Variants in ARHGAP21 observed in about 807,000 individuals in gnomAD.
ARHGAP21 encodes Rho GTPase activating protein 21, also known as rho GTPase-activating protein 21.
Under a neutral mutation model 164.6 loss-of-function variants are expected in ARHGAP21, and 38 were observed. That is an observed-to-expected ratio of 0.23 (90% CI 0.18 to 0.30). The LOEUF (loss-of-function observed/expected upper bound fraction) is 0.30, where lower values mean the gene tolerates loss of function less well. Ranked by LOEUF, ARHGAP21 falls within the 10% of genes least tolerant of loss-of-function variation. The pLI is 1.00. For synonymous variants in ARHGAP21, 766 were observed against 857.9 expected, an observed-to-expected ratio of 0.89 and a Z score of 1.87; for missense variants, 1,822 against 2,370.7, an observed-to-expected ratio of 0.77 and a Z score of 4.81.
rs1418987833 is a variant in ARHGAP21 at position 24,584,337 on chromosome 10, C to A, written c.*75G>T. 2.7e-6 allele frequency: 4 copies of A among 1,481,030 alleles called. No homozygotes were observed. The highest frequency in any genetic ancestry group is 1.4e-5 in the South Asian group (1 of 73,124). The allele number at this position is 1,481,030 out of a possible 1,614,324, so 91.7% of individuals were successfully genotyped here. On this transcript the variant is annotated 3_prime_UTR_variant, in exon 26 of 26. Coordinates refer to ENST00000396432, the MANE Select transcript of ARHGAP21 (RefSeq NM_020824.4). ...AGGCTGCATAATAACAATTCTGATA[C>A]AAGAAAATATTGACAGAGTTACTGG...
At chr10:24,707,073 A>T (rs985074209) in intron 2 of ARHGAP21, among the ~76,000 whole-genome samples, 4 of 152,208 alleles carry the variant, frequency 2.6e-5, no homozygotes, top group Non-Finnish European at 5.9e-5. Context: ...GTAGCGCCAC[A>T]CAGAGCTAAC....
chr10:24,696,373 G>C (rs970809913), intron 2 of ARHGAP21, among the ~76,000 whole-genome samples: 1 of 152,166 alleles, frequency 6.6e-6, no homozygotes, highest in Non-Finnish European at 1.5e-5. Context: ...TGAGGGAAAA[G>C]AATCTCCTGA....
intron 21 of ARHGAP21, among the ~76,000 whole-genome samples, chr10:24,592,920 G>A (rs2130792158): frequency 1.3e-5 from 2 of 152,226 alleles, no homozygotes; most frequent in East Asian, 3.9e-4. Flanking sequence ...CCAATCTTCT[G>A]AAGCTACATT....
At chr10:24,610,000 A>G (rs2077184648) in intron 9 of ARHGAP21, among the ~76,000 whole-genome samples, 1 of 152,252 alleles carries the variant, frequency 6.6e-6, no homozygotes, top group Admixed American at 6.5e-5. Context: ...CATTCAAAAC[A>G]TACTTATGAA....
chr10:24,594,370 G>A (rs1158897682), intron 21 of ARHGAP21, among the ~76,000 whole-genome samples: 1 of 152,138 alleles, frequency 6.6e-6, no homozygotes, highest in African/African-American at 2.4e-5. Context: ...ATGGGGCTGC[G>A]CATGGTGGCT....
intron 7 of ARHGAP21, among the ~76,000 whole-genome samples, chr10:24,627,151 A>C (rs1293543948): frequency 6.6e-6 from 1 of 152,100 alleles, no homozygotes; most frequent in Non-Finnish European, 1.5e-5. Flanking sequence ...AAGAAAAAAA[A>C]CCTCCATGCA....
At chr10:24,614,598 C>T (rs2077396775) in intron 9 of ARHGAP21, among the ~76,000 whole-genome samples, 1 of 151,890 alleles carries the variant, frequency 6.6e-6, no homozygotes, top group Admixed American at 6.6e-5. Context: ...GCTTGGCCAA[C>T]ATGGTGAAAC....
chr10:24,711,455 C>T (rs1327676891), intron 2 of ARHGAP21, among the ~76,000 whole-genome samples: 1 of 152,104 alleles, frequency 6.6e-6, no homozygotes, highest in Non-Finnish European at 1.5e-5. Flanking sequence ...ATCTTCAGTC[C>T]CCACGTCAGA....
intron 2 of ARHGAP21, among the ~76,000 whole-genome samples, chr10:24,692,549 A>G (rs1842837055): frequency 6.6e-6 from 1 of 152,214 alleles, no homozygotes; most frequent in African/African-American, 2.4e-5. Flanking sequence ...TAGAATGGAT[A>G]GACCAGACTC....
chr10:24,689,800 GTATATGTATGTGTATATATATGTA>G (rs1555010305), intron 2 of ARHGAP21, among the ~76,000 whole-genome samples: 9 of 149,506 alleles, frequency 6.0e-5, no homozygotes, highest in South Asian at 2.1e-4. Context: ...ATGTATATAT[GTATATGTATGTGTATATATATGTA>G]TATATGTATG....
At chr10:24,638,846 C>CA (rs969694890) in intron 4 of ARHGAP21, among the ~76,000 whole-genome samples, 11 of 151,904 alleles carry the variant, frequency 7.2e-5, no homozygotes, top group African/African-American at 2.7e-4. Context: ...TAACCAGGTT[C>CA]AAAAAAAGTC....
intron 4 of ARHGAP21, among the ~76,000 whole-genome samples, chr10:24,650,218 T>C (rs1432096069): frequency 2.6e-5 from 4 of 152,068 alleles, no homozygotes; most frequent in African/African-American, 9.7e-5. Flanking sequence ...ATAAGTAACA[T>C]GTTGGAGCCA....
rs1846156941 is a variant in ARHGAP21, at chr10:24,723,739, C to T, written c.-558G>A. 6.8e-6 allele frequency: 1 copy of T among 146,476 alleles called. No individual in the cohort carries two copies. Among genetic ancestry groups the T allele is most frequent in the African/African-American group, 2.5e-5 (1 of 40,726 alleles). The allele number at this position is 146,476 out of a possible 1,614,324, so 9.1% of individuals were successfully genotyped here. On this transcript the variant is annotated 5_prime_UTR_variant, in exon 1 of 26. Coordinates refer to ENST00000396432, the MANE Select transcript of ARHGAP21 (RefSeq NM_020824.4). The stretch of plus-strand genomic sequence containing the variant: ...CCGCCCCCGGCCGGCCGCTCCCAGG[C>T]ACCGCCGCGACCTGCCCCGGCCGGC...
chr10:24,628,820 T>C (rs12266145), intron 7 of ARHGAP21, among the ~76,000 whole-genome samples: 8,353 of 142,644 alleles, frequency 0.059, 548 homozygotes, highest in East Asian at 0.3. Context: ...TATATACATA[T>C]ACACACATAT....
intron 2 of ARHGAP21, among the ~76,000 whole-genome samples, chr10:24,714,109 A>G (rs1013270625): frequency 6.6e-6 from 1 of 152,266 alleles, no homozygotes; most frequent in Non-Finnish European, 1.5e-5. Flanking sequence ...ATCTAATCAC[A>G]TCAACTAGAC....
In ARHGAP21 at chr10:24,695,335, G is replaced by A. The variant is rs146743241; in HGVS notation, c.64-24938C>T. On this transcript the variant is annotated intron_variant, in intron 2 of 25. Coordinates refer to ENST00000396432, the MANE Select transcript of ARHGAP21 (RefSeq NM_020824.4). The stretch of plus-strand genomic sequence containing the variant: ...TATAATCCCAGCATTTTCAGAGGCC[G>A]AGGCAGGTGGATCACTTGAAATCAT... 3.0e-3 allele frequency among the ~76,000 whole-genome samples: 455 copies of A among 152,148 alleles called. 6 individuals carry two copies. Among genetic ancestry groups the A allele is most frequent in the African/African-American group, 0.01 (435 of 41,526 alleles).
chr10:24,698,743 A>G (rs1400507256), intron 2 of ARHGAP21, among the ~76,000 whole-genome samples: 2 of 152,240 alleles, frequency 1.3e-5, no homozygotes, highest in African/African-American at 4.8e-5. Context: ...ATCAATGTGA[A>G]CTAAAATTAA....
intron 4 of ARHGAP21, among the ~76,000 whole-genome samples, chr10:24,666,242 GGATA>G (rs1309288079): frequency 6.6e-6 from 1 of 152,184 alleles, no homozygotes; most frequent in South Asian, 2.1e-4. Flanking sequence ...GTGTTAGCCA[GGATA>G]GTCTCGATCT....
chr10:24,692,275 G>A (rs567574350), intron 2 of ARHGAP21, among the ~76,000 whole-genome samples: 60 of 152,318 alleles, frequency 3.9e-4, no homozygotes, highest in Non-Finnish European at 5.7e-4. Context: ...AAAGTGATCT[G>A]AGATTTGGAA....
Sources: gnomAD v4.1 joint callset for allele counts (sites outside exome capture counted in the v4.1 genomes callset) on GRCh38, gnomAD v4.1.1 for gene constraint, MANE v1.5 for transcripts, NCBI Gene and HGNC (gene_info 2026-07-23, HGNC 2026-07-21) for gene names.